The following GLYATL1 variants were observed in gnomAD, a reference collection of about 807,000 sequenced individuals.
The protein encoded by GLYATL1 is glycine N-acyltransferase-like protein 1.
In GLYATL1, 15 loss-of-function variants were observed where a neutral mutation model predicts 20.0. That is an observed-to-expected ratio of 0.75 (90% CI 0.50 to 1.15). The LOEUF is 1.15. GLYATL1 is among the 50% of genes most tolerant of loss of function. The pLI, the probability that GLYATL1 is intolerant of heterozygous loss-of-function variation, is 0.00. For missense variants in GLYATL1, 380 were observed against 368.5 expected (o/e 1.03, Z -0.26); for synonymous variants, 151 against 131.5 (o/e 1.15, Z -1.01).
exon 2 of GLYATL1, chr11:58,908,042 T>G (rs1854948243): frequency 6.5e-6 from 1 of 152,730 alleles, no homozygotes; most frequent in African/African-American, 2.4e-5. Flanking sequence ...ATTATACTCA[T>G]GCATTGACCA....
At chr11:58,943,759 G>A in intron 2 of GLYATL1, 93 bp downstream of exon 2, 1 of 1,540,166 alleles carries the variant, frequency 6.5e-7, no homozygotes, top group Non-Finnish European at 8.7e-7. Context: ...ACTGGGTTTG[G>A]AGTCACAACA....
chr11:58,949,357 G>A (rs895576521), intron 4 of GLYATL1, among the ~76,000 whole-genome samples: 1 of 152,150 alleles, frequency 6.6e-6, no homozygotes, highest in Non-Finnish European at 1.5e-5. Flanking sequence ...AAAGGGGATG[G>A]GAACCAGGCT....
exon 2 of GLYATL1, chr11:58,907,758 G>A (rs1198078881): frequency 2.9e-5 from 6 of 206,588 alleles, no homozygotes; most frequent in African/African-American, 9.3e-5. Flanking sequence ...CAATATTCTT[G>A]AGCTTTGTTC....
At chr11:58,925,281 T>C (rs758547334), upstream of GLYATL1, among the ~76,000 whole-genome samples, 2 of 152,366 alleles carry the variant, frequency 1.3e-5, no homozygotes, top group East Asian at 3.9e-4. Flanking sequence ...TTAGCCAATA[T>C]GTTTACATAT....
intron 4 of GLYATL1, among the ~76,000 whole-genome samples, chr11:58,950,925 TGTAA>T (rs1261995531): frequency 6.6e-6 from 1 of 152,210 alleles, no homozygotes; most frequent in African/African-American, 2.4e-5. Context: ...CTTAAAATTT[TGTAA>T]GTGTTTTGGA....
chr11:58,918,679 A>C (rs1317107886), intron 1 of GLYATL1, among the ~76,000 whole-genome samples: 2 of 152,184 alleles, frequency 1.3e-5, no homozygotes, highest in Non-Finnish European at 2.9e-5. Flanking sequence ...TTAATAATAT[A>C]AGGAAAGTTA....
At position 58,921,809 on chromosome 11, in the gene GLYATL1, G is replaced by A. The variant is rs118000548; in HGVS notation, n.264+16148G>A. Among the ~76,000 whole-genome samples, 1,239 of 152,262 alleles carry A rather than the reference G, an allele frequency of 8.1e-3. 16 individuals are homozygous for A. The highest frequency in any genetic ancestry group is 0.05 in the South Asian group (240 of 4,828). On this transcript the variant is annotated intron_variant and non_coding_transcript_variant, in intron 1 of 2. Transcript: ENST00000534674. ...GATAGCCACTTCAATAAGCTGAGTA[G>A]CATTCATGCCTGCAAAGCCTTCTAA...
intron 1 of GLYATL1, among the ~76,000 whole-genome samples, chr11:58,906,004 C>T (rs1006918637): frequency 1.3e-5 from 2 of 152,184 alleles, no homozygotes; most frequent in African/African-American, 4.8e-5. Context: ...CTCTTCCAGG[C>T]GGGAAAAGTT....
chr11:58,955,414 A>G (rs182782251), intron 6 of GLYATL1, 61 bp downstream of exon 6: 5 of 1,499,058 alleles, frequency 3.3e-6, no homozygotes, highest in Admixed American at 3.7e-5. Flanking sequence ...TGTAATTCAC[A>G]TAAATCAGTT....
At chr11:58,915,928 T>C (rs979685403) in intron 1 of GLYATL1, among the ~76,000 whole-genome samples, 2 of 146,782 alleles carry the variant, frequency 1.4e-5, no homozygotes, top group Non-Finnish European at 3.0e-5. Context: ...ACGAAACTTG[T>C]TAAGTTGCTT....
chr11:58,933,200 A>G (rs2135142235), intron 1 of GLYATL1, among the ~76,000 whole-genome samples: 1 of 152,326 alleles, frequency 6.6e-6, no homozygotes, highest in East Asian at 1.9e-4. Context: ...CCAAGAGTAG[A>G]TGTCAAAGAG....
downstream of GLYATL1, among the ~76,000 whole-genome samples, chr11:58,912,548 C>T (rs1033883476): frequency 2.6e-5 from 4 of 152,210 alleles, no homozygotes; most frequent in African/African-American, 7.2e-5. Flanking sequence ...ATGTCTCCAT[C>T]GGAGACCCCC....
At chr11:58,941,236 T>G (rs1044019379) in intron 1 of GLYATL1, among the ~76,000 whole-genome samples, 14 of 126,068 alleles carry the variant, frequency 1.1e-4, no homozygotes, top group African/African-American at 4.3e-4. Context: ...TTCCCCTTCC[T>G]GTGTCCACGT....
At chr11:58,951,345 A>G (rs941453841) in intron 4 of GLYATL1, among the ~76,000 whole-genome samples, 1 of 152,076 alleles carries the variant, frequency 6.6e-6, no homozygotes, top group Non-Finnish European at 1.5e-5. Flanking sequence ...TTGTCGTATA[A>G]CATGTTATAT....
intron 1 of GLYATL1, among the ~76,000 whole-genome samples, chr11:58,932,596 G>A (rs948571553): frequency 6.6e-6 from 1 of 152,188 alleles, no homozygotes; most frequent in African/African-American, 2.4e-5. Context: ...CCCTGAATGT[G>A]CATAAGCAGT....
chr11:58,947,262 A>C, intron 3 of GLYATL1, 97 bp downstream of exon 3: 2 of 1,481,308 alleles, frequency 1.4e-6, no homozygotes, highest in Non-Finnish European at 1.8e-6. Context: ...CTGTTTGCAG[A>C]GGGTTGGAGC....
Position 58,955,972 on chromosome 11 carries a change from C to A in GLYATL1, c.854C>A (p.Ala285Asp), listed in dbSNP as rs564532248. The A allele has an allele frequency of 6.8e-5, 110 of 1,614,042 alleles. No homozygotes were observed. The South Asian group carries it at 1.1e-3, about 17-fold the overall frequency. ...GTGGGGCAGTTTGGTTTCTTTGAGG[C>A]CTCCTGTGAGTGGCACCAATGGACT... The part of the protein sequence containing the change: ...RFVGQFGFFE[A>D]SCEWHQWTCY... Residue 285 changes from alanine to aspartate, a missense_variant, in exon 7 of 7, where the codon GCC becomes GAC. Coordinates refer to ENST00000532726, the MANE Select transcript of GLYATL1 (RefSeq NM_001389712.2).
chr11:58,923,694 C>T (rs994110004), upstream of GLYATL1, among the ~76,000 whole-genome samples: 3 of 152,316 alleles, frequency 2.0e-5, no homozygotes, highest in African/African-American at 7.2e-5. Flanking sequence ...GCATCCCTCT[C>T]CTTGCCAGCC....
chr11:58,913,437 A>G (rs1255600552), downstream of GLYATL1, among the ~76,000 whole-genome samples: 2 of 152,198 alleles, frequency 1.3e-5, no homozygotes, highest in African/African-American at 4.8e-5. Context: ...TTTAACACTG[A>G]CAGGAACTTT....
Sources: allele counts gnomAD v4.1 joint callset (sites outside exome capture counted in the v4.1 genomes callset), GRCh38; gene constraint gnomAD v4.1.1; transcripts MANE v1.5; gene names NCBI Gene and HGNC (gene_info 2026-07-23, HGNC 2026-07-21).